The following SHPK variants were observed in gnomAD, a reference collection of about 807,000 sequenced individuals.
SHPK encodes sedoheptulokinase.
Under a neutral mutation model 46.3 loss-of-function variants are expected in SHPK, and 51 were observed. The observed-to-expected ratio is 1.10, with a 90% CI of 0.88 to 1.39. The LOEUF is 1.39. SHPK is among the 40% of genes most tolerant of loss of function. The pLI is 0.00. For missense variants in SHPK, 668 were observed against 641.3 expected, an observed-to-expected ratio of 1.04 and a Z score of -0.45; for synonymous variants, 290 against 273.9, an observed-to-expected ratio of 1.06 and a Z score of -0.58.
rs1243244646 is a variant in SHPK at position 3,621,276 on chromosome 17, C to G, written c.784G>C (p.Ala262Pro). 1 of 1,614,016 alleles carries G rather than the reference C, an allele frequency of 6.2e-7. No individual in the cohort carries two copies. The highest frequency in any genetic ancestry group is 1.1e-5 in the South Asian group (1 of 91,072). ...QVGVALGDLQASVYSCMAQRT... is the reference protein window; with the variant it reads ...QVGVALGDLQPSVYSCMAQRT... ...TGGGCCATGCAGGAATAGACAGAGG[C>G]CTGTAAATCACCCAAGGCCACTCCC... The change falls in exon 5 of 7, where the codon GCC becomes CCC. Residue 262 changes from alanine to proline, a missense_variant. Transcript: ENST00000225519.
At chr17:3,629,346 C>G (rs1413877508) in intron 2 of SHPK, among the ~76,000 whole-genome samples, 1 of 152,116 alleles carries the variant, frequency 6.6e-6, no homozygotes, top group Non-Finnish European at 1.5e-5. Context: ...TTCTCCTCCT[C>G]AAGGCCAAAT....
At chr17:3,621,906 G>T (rs565477788) in intron 4 of SHPK, among the ~76,000 whole-genome samples, 1 of 151,822 alleles carries the variant, frequency 6.6e-6, no homozygotes, top group Non-Finnish European at 1.5e-5. Context: ...ACCCGCTTCA[G>T]CCTCCCAAAG....
chr17:3,622,697 T>A (rs1259300166), intron 4 of SHPK: 9 of 399,234 alleles, frequency 2.3e-5, no homozygotes, highest in Admixed American at 1.0e-4. Flanking sequence ...CTATCTCTAG[T>A]TCTTTTTTCT....
At chr17:3,621,694 C>T (rs2075404327) in intron 4 of SHPK, among the ~76,000 whole-genome samples, 1 of 145,870 alleles carries the variant, frequency 6.9e-6, no homozygotes, top group Non-Finnish European at 1.5e-5. Flanking sequence ...GCTCTGTTGC[C>T]CAGGCTGGAG....
At chr17:3,631,010 C>T (rs1407826188) in intron 1 of SHPK, among the ~76,000 whole-genome samples, 5 of 152,288 alleles carry the variant, frequency 3.3e-5, no homozygotes, top group South Asian at 2.1e-4. Flanking sequence ...AGTTCTCAGA[C>T]GTCTTGCTTC....
rs547558913 is a variant in SHPK at position 3,610,226 on chromosome 17, GCTCT to G, written c.*330_*333del. 64 of 244,550 alleles carry G rather than the reference GCTCT, an allele frequency of 2.6e-4. No individual in the cohort carries two copies. Among genetic ancestry groups the G allele is most frequent in the African/African-American group, 1.3e-3 (62 of 46,344 alleles). The allele number at this position is 244,550 out of a possible 1,614,324, so 15.1% of individuals were successfully genotyped here. A position where few individuals can be genotyped will look rare whatever the true frequency, so the allele number is the denominator to read the frequency against. On this transcript the variant is annotated 3_prime_UTR_variant, in exon 7 of 7. Transcript: ENST00000225519. Reference sequence around the variant, plus strand: ...TGGTGTCTGAAGTACACATTGATCTGCTCTCTGTCTACAGGTGAACCACAGATGA... The same window carrying G: ...TGGTGTCTGAAGTACACATTGATCTGCTGTCTACAGGTGAACCACAGATGA...
chr17:3,612,850 C>T lies in SHPK; in HGVS notation c.1025-1878G>A, dbSNP rs141265054. The stretch of plus-strand genomic sequence containing the variant: ...CACTGCAACCTCTGCCTCCCAGGTT[C>T]AAGCAATTCTTCTGCCTCAGCCTCC... On this transcript the variant is annotated intron_variant, in intron 6 of 6. Transcript: ENST00000225519. 3.8e-3 allele frequency among the ~76,000 whole-genome samples: 576 copies of T among 151,560 alleles called. 13 individuals carry two copies. The East Asian group carries it at 0.053, about 14-fold the overall frequency.
Position 3,621,349 on chromosome 17 carries a change from C to T in SHPK, c.711G>A (p.Ala237=), listed in dbSNP as rs552100734. The part of the protein sequence containing the change: ...LPDIAEPGSV[A]GRTSHMWFEI... The stretch of plus-strand genomic sequence containing the variant: ...CAAACCACATGTGGGAAGTTCTGCC[C>T]GCCACACTGCCAGGCTCGGCGATGT... The change falls in exon 5 of 7, where the codon GCG becomes GCA. Residue 237 remains alanine, a synonymous_variant. Coordinates refer to ENST00000225519, the MANE Select transcript of SHPK (RefSeq NM_013276.4). The T allele has an allele frequency of 9.9e-6, 16 of 1,614,144 alleles. No homozygotes were observed. Among genetic ancestry groups the T allele is most frequent in the South Asian group, 9.9e-5 (9 of 91,086 alleles).
In SHPK at chr17:3,624,287, G is replaced by A. The variant is rs80041911; in HGVS notation, c.311-56C>T. On this transcript the variant is annotated intron_variant, in intron 2 of 6. Transcript: ENST00000225519. ...AAAAGAGCAAATGACTAGGCATGGCGCGGCCTTGATACTACTCTGCTGGTG... is the reference window on the plus strand; with the variant it reads ...AAAAGAGCAAATGACTAGGCATGGCACGGCCTTGATACTACTCTGCTGGTG... The A allele has an allele frequency of 7.1e-5, 108 of 1,522,292 alleles. 1 individual carries two copies. In the East Asian group the frequency reaches 2.1e-3, roughly 30 times the overall value. The allele number at this position is 1,522,292 out of a possible 1,614,324, so 94.3% of individuals were successfully genotyped here. A position where few individuals can be genotyped will look rare whatever the true frequency, so the allele number is the denominator to read the frequency against.
chr17:3,631,805 A>G (rs1597579365), intron 1 of SHPK, among the ~76,000 whole-genome samples: 1 of 151,882 alleles, frequency 6.6e-6, no homozygotes, highest in East Asian at 1.9e-4. Context: ...TACAGGTGTG[A>G]GCCACCGCAC....
At chr17:3,631,879 G>T (rs1306782478) in intron 1 of SHPK, among the ~76,000 whole-genome samples, 1 of 151,948 alleles carries the variant, frequency 6.6e-6, no homozygotes, top group Non-Finnish European at 1.5e-5. Context: ...AATAAAATAT[G>T]CAATTAAAAT....
rs1453291345 is a variant in SHPK, at chr17:3,636,101, CG to C, written c.118del (p.Arg40ValfsTer23). On this transcript the variant is annotated frameshift_variant, in exon 1 of 7. Coordinates refer to ENST00000225519, the MANE Select transcript of SHPK (RefSeq NM_013276.4). LOFTEE classifies it high-confidence loss of function. ...GACCGCCGCCTCTGCCCGCGCAGCA[CG>C]GGCACAGCTCGCCAGCACTGCGAAC... ...SGFAVLASCA[R>X]AARAEAAVES... The C allele has an allele frequency of 1.9e-6, 3 of 1,604,702 alleles. No homozygotes were observed. In the African/African-American group the frequency reaches 4.0e-5, roughly 22 times the overall value.
Position 3,623,504 on chromosome 17 carries a change from C to G in SHPK, c.495-13G>C. On this transcript the variant is annotated splice_polypyrimidine_tract_variant and intron_variant, in intron 3 of 6. Transcript: ENST00000225519. ...CAGGAACTCTGGGCTGTTTTTCATA[C>G]CAAAAACAACCAACACGGTATAACA... 1.2e-6 allele frequency: 2 copies of G among 1,612,876 alleles called. No individual in the cohort carries two copies. Among genetic ancestry groups the G allele is most frequent in the Non-Finnish European group, 1.7e-6 (2 of 1,179,124 alleles).
At chr17:3,611,120 T>C (rs944930517) in intron 6 of SHPK, 148 bp from the exon 7 acceptor site, 3 of 729,668 alleles carry the variant, frequency 4.1e-6, no homozygotes, top group Non-Finnish European at 4.4e-6. Context: ...GGGACTGCTA[T>C]AGCCAGGCTA....
chr17:3,610,969 A>G lies in SHPK; in HGVS notation c.1028T>C (p.Leu343Pro). 1 of 1,601,978 alleles carries G rather than the reference A, an allele frequency of 6.2e-7. No homozygotes were observed. Among genetic ancestry groups the G allele is most frequent in the Non-Finnish European group, 8.5e-7 (1 of 1,171,502 alleles). ...MLVQWMADLG[L>P]EVEESTVYSR... ...ATACACAGTGGATTCTTCAACCTCC[A>G]GGCCTGCCAGAGACAGAGAAGATCT... The change falls in exon 7 of 7, where the codon CTG becomes CCG. Residue 343 changes from leucine to proline, a missense_variant. Physicochemically the swap from Leu to Pro is moderately conservative, Grantham distance 98. Coordinates refer to ENST00000225519, the MANE Select transcript of SHPK (RefSeq NM_013276.4).
rs377428404 is a variant in SHPK at position 3,619,562 on chromosome 17, G to C, written c.823+1675C>G. ...ATCCTGGCCAACATGGTGAAACCCC[G>C]TGTCTACTAAAAATGCAAACATTAA... On this transcript the variant is annotated intron_variant, in intron 5 of 6. Coordinates refer to ENST00000225519, the MANE Select transcript of SHPK (RefSeq NM_013276.4). The C allele has an allele frequency of 1.2e-4, 56 of 451,370 alleles. No homozygotes were observed. The Middle Eastern group carries it at 4.8e-3, about 38-fold the overall frequency. The allele number at this position is 451,370 out of a possible 1,614,324, so 28.0% of individuals were successfully genotyped here.
chr17:3,614,788 C>T (rs1406449576), intron 6 of SHPK, among the ~76,000 whole-genome samples: 1 of 149,538 alleles, frequency 6.7e-6, no homozygotes, highest in Non-Finnish European at 1.5e-5. Context: ...GCGGAGTTTG[C>T]AGTGAGCCGA....
At chr17:3,631,710 A>T (rs2150875591) in intron 1 of SHPK, among the ~76,000 whole-genome samples, 1 of 150,568 alleles carries the variant, frequency 6.6e-6, no homozygotes, top group South Asian at 2.1e-4. Context: ...TTTAGTAGAG[A>T]CGGGGTTTCG....
chr17:3,634,121 C>CA (rs1417792474), intron 1 of SHPK, among the ~76,000 whole-genome samples: 1 of 149,422 alleles, frequency 6.7e-6, no homozygotes, highest in Non-Finnish European at 1.5e-5. Context: ...CCCAGGGACA[C>CA]AAACACTGCG....
Sources: gnomAD v4.1 joint callset for allele counts (sites outside exome capture counted in the v4.1 genomes callset) on GRCh38, gnomAD v4.1.1 for gene constraint, MANE v1.5 for transcripts, NCBI Gene and HGNC (gene_info 2026-07-23, HGNC 2026-07-21) for gene names.